The following HFM1 variants were observed in gnomAD, a reference collection of about 807,000 sequenced individuals.
HFM1 encodes the protein helicase for meiosis 1, also known as probable ATP-dependent DNA helicase HFM1.
A neutral mutation model predicts 192.1 loss-of-function variants in HFM1; 169 were observed. The observed-to-expected ratio is 0.88, with a 90% CI of 0.78 to 1.00. The LOEUF (loss-of-function observed/expected upper bound fraction) is 1.00, where lower values mean the gene tolerates loss of function less well. HFM1 is among the 50% of genes least tolerant of loss of function. The pLI is 0.00. For missense variants in HFM1, 1,661 were observed against 1,668.0 expected (o/e 1.00, Z 0.07); for synonymous variants, 525 against 537.8 (o/e 0.98, Z 0.33).
intron 13 of HFM1, 103 bp from the exon 14 acceptor site, chr1:91,353,402 C>T (rs1248263458): frequency 1.5e-5 from 9 of 610,148 alleles, no homozygotes; most frequent in Non-Finnish European, 1.1e-5. Context: ...AAAATTTTCA[C>T]AATATCATTA....
At chr1:91,328,951 A>C in intron 20 of HFM1, 1 of 1,612,418 alleles carries the variant, frequency 6.2e-7, no homozygotes, top group South Asian at 1.1e-5. Flanking sequence ...GCCCTGTGCT[A>C]ATGCAACACC....
intron 6 of HFM1, among the ~76,000 whole-genome samples, chr1:91,384,652 T>G (rs1468939328): frequency 6.6e-6 from 1 of 152,154 alleles, no homozygotes; most frequent in African/African-American, 2.4e-5. Flanking sequence ...AAATCTGACT[T>G]CTGTACTTAA....
At chr1:91,323,929 C>T (rs1557850399) in intron 21 of HFM1, among the ~76,000 whole-genome samples, 1 of 152,096 alleles carries the variant, frequency 6.6e-6, no homozygotes. Flanking sequence ...ATTTTTACTA[C>T]AATAATCTTA....
intron 35 of HFM1, 23 bp downstream of exon 35, chr1:91,267,722 T>C (rs956059581): frequency 6.9e-6 from 7 of 1,015,198 alleles, no homozygotes; most frequent in Non-Finnish European, 1.0e-5. Context: ...AATGAAATGA[T>C]TGCATGCTAA....
intron 30 of HFM1, among the ~76,000 whole-genome samples, chr1:91,281,533 T>C (rs1332079834): frequency 6.6e-6 from 1 of 152,170 alleles, no homozygotes; most frequent in East Asian, 1.9e-4. Flanking sequence ...CTACTACAAA[T>C]GGATTCTTGG....
rs372765836 is a variant in HFM1, at chr1:91,394,897, CT to C, written c.185-496del. 1.9e-4 allele frequency among the ~76,000 whole-genome samples: 29 copies of C among 152,044 alleles called. No homozygotes were observed. In the East Asian group the frequency reaches 5.6e-3, roughly 29 times the overall value. Reference sequence around the variant, plus strand: ...CAGAGTGACAGAAGTTTAAAGGTTTCTTTAGAGGCTTTGCAAGAATTTTTAG... The same window carrying C: ...CAGAGTGACAGAAGTTTAAAGGTTTCTTAGAGGCTTTGCAAGAATTTTTAG... On this transcript the variant is annotated intron_variant, in intron 3 of 38. Transcript: ENST00000370425.
chr1:91,273,757 T>C lies in HFM1; in HGVS notation c.3727A>G (p.Ile1243Val), dbSNP rs374375439. The C allele has an allele frequency of 2.5e-6, 4 of 1,604,200 alleles. No homozygotes were observed. In the African/African-American group the frequency reaches 5.4e-5, roughly 21 times the overall value. Reference protein sequence around the residue: ...PIMEQWDQPEIYGKVRQEPSE... With the variant: ...PIMEQWDQPEVYGKVRQEPSE... ...GGTTCTTGTCTAACTTTTCCATAGA[T>C]TTCAGGCTGATCCCACTGCTCCATT... Residue 1243 changes from isoleucine (I) to valine (V), a missense_variant, in exon 34 of 39, where the codon ATC (isoleucine) becomes GTC (valine). Ile to Val is a conservative substitution (Grantham distance 29). Coordinates refer to ENST00000370425, the MANE Select transcript of HFM1 (RefSeq NM_001017975.6).
intron 13 of HFM1, among the ~76,000 whole-genome samples, chr1:91,355,174 C>T (rs114745298): frequency 1.9e-3 from 283 of 152,050 alleles, no homozygotes; most frequent in Non-Finnish European, 3.4e-3. Context: ...AGATATTTTA[C>T]GTAAGCCTTG....
At chr1:91,320,127 C>T (rs1209308764) in intron 23 of HFM1, among the ~76,000 whole-genome samples, 2 of 152,188 alleles carry the variant, frequency 1.3e-5, no homozygotes, top group Non-Finnish European at 2.9e-5. Context: ...TATTATTACT[C>T]TCTTAAGGGG....
intron 11 of HFM1, 88 bp downstream of exon 11, chr1:91,377,937 A>G: frequency 8.0e-7 from 1 of 1,247,046 alleles, no homozygotes; most frequent in Non-Finnish European, 1.2e-6. Flanking sequence ...GGAAAGGACA[A>G]AAAAATTCAC....
In HFM1 at chr1:91,319,329, C is replaced by A; in HGVS notation, c.2644G>T (p.Ala882Ser). The A allele has an allele frequency of 1.2e-6, 2 of 1,612,450 alleles. No homozygotes were observed. Among genetic ancestry groups the A allele is most frequent in the Non-Finnish European group, 1.7e-6 (2 of 1,178,632 alleles). ...CGGGAGCCATGTCTGAAAATCTTTG[C>A]GGTATCTTGTGTCAAAGCAAAATCT... ...IQDFALTQDT[A>S]KIFRHGSRIT... is the part of the protein sequence containing the mutation. The change falls in exon 24 of 39, where the codon GCA becomes TCA. Residue 882 changes from alanine (A) to serine (S), a missense_variant. Physicochemically the swap from Ala to Ser is moderately conservative, Grantham distance 99 (BLOSUM62 1). Transcript: ENST00000370425.
chr1:91,292,863 C>G lies in HFM1; in HGVS notation c.3392-15801G>C, dbSNP rs1010718719. 2.6e-5 allele frequency among the ~76,000 whole-genome samples: 4 copies of G among 152,128 alleles called. No individual in the cohort carries two copies. In the East Asian group the frequency reaches 5.8e-4, roughly 22 times the overall value. ...CTGGTACCAAAACAGAGATATAGATCAATGGAACAGAATAGAGCCCTCAGA... is the reference window on the plus strand; with the variant it reads ...CTGGTACCAAAACAGAGATATAGATGAATGGAACAGAATAGAGCCCTCAGA... On this transcript the variant is annotated intron_variant, in intron 30 of 38. Coordinates refer to ENST00000370425, the MANE Select transcript of HFM1 (RefSeq NM_001017975.6).
intron 4 of HFM1, among the ~76,000 whole-genome samples, chr1:91,390,615 A>G (rs1445104747): frequency 6.6e-6 from 1 of 152,196 alleles, no homozygotes; most frequent in African/African-American, 2.4e-5. Context: ...CAAAATAATA[A>G]GAGCTATTTA....
chr1:91,339,556 A>G (rs576272496), intron 20 of HFM1, among the ~76,000 whole-genome samples: 3 of 152,156 alleles, frequency 2.0e-5, no homozygotes, highest in Non-Finnish European at 4.4e-5. Context: ...TCAGAGCTCA[A>G]AAACCAGGTT....
In HFM1 at chr1:91,380,202, G is replaced by A. The variant is rs749189973; in HGVS notation, c.908C>T (p.Ala303Val). 1.1e-5 allele frequency: 17 copies of A among 1,578,492 alleles called. No individual in the cohort carries two copies. Among genetic ancestry groups the A allele is most frequent in the Non-Finnish European group, 1.4e-5 (16 of 1,157,716 alleles). ...LYTDRNFVIC[A>V]PTGSGKTVVF... ...TACAGTTTTTCCAGAACCAGTTGGA[G>A]CACAAATCACAAAATTCCTATCTGT... Residue 303 changes from alanine to valine, a missense_variant, in exon 8 of 39, where the codon GCT (alanine) becomes GTT (valine). Ala to Val is a moderately conservative substitution (Grantham distance 64). Transcript: ENST00000370425.
chr1:91,291,478 T>C (rs1011631819), intron 30 of HFM1, among the ~76,000 whole-genome samples: 1 of 152,154 alleles, frequency 6.6e-6, no homozygotes, highest in East Asian at 1.9e-4. Context: ...CCTCGACACA[T>C]ACACTCTCCC....
intron 20 of HFM1, among the ~76,000 whole-genome samples, chr1:91,327,905 A>G (rs992788622): frequency 6.6e-6 from 1 of 152,200 alleles, no homozygotes; most frequent in African/African-American, 2.4e-5. Context: ...AAAAGTGAAA[A>G]ATTTTTTGAA....
intron 30 of HFM1, among the ~76,000 whole-genome samples, chr1:91,286,942 G>C (rs529008112): frequency 1.3e-5 from 2 of 152,200 alleles, no homozygotes; most frequent in African/African-American, 4.8e-5. Flanking sequence ...CGAATACTGC[G>C]CTTTTCCGAC....
intron 20 of HFM1, among the ~76,000 whole-genome samples, chr1:91,340,736 A>C (rs1173707425): frequency 6.6e-6 from 1 of 152,218 alleles, no homozygotes; most frequent in African/African-American, 2.4e-5. Flanking sequence ...CCATAGGCTT[A>C]AAGGGATGGA....
Sources: gnomAD v4.1 joint callset for allele counts (sites outside exome capture counted in the v4.1 genomes callset) on GRCh38, gnomAD v4.1.1 for gene constraint, MANE v1.5 for transcripts, NCBI Gene and HGNC (gene_info 2026-07-23, HGNC 2026-07-21) for gene names.